The following CLVS1 variants were observed in gnomAD, a reference collection of about 807,000 sequenced individuals.
CLVS1 encodes clavesin-1.
In CLVS1, 10 loss-of-function variants were observed where a neutral mutation model predicts 33.1. The observed-to-expected ratio is 0.30, with a 90% CI of 0.19 to 0.51. The LOEUF is 0.51. Among genes scored for constraint, CLVS1 ranks in the 20% least tolerant of loss-of-function variants. CLVS1 has a pLI of 0.97. For synonymous variants in CLVS1, 163 were observed against 166.1 expected (o/e 0.98, Z 0.14); for missense variants, 343 against 433.4 (o/e 0.79, Z 1.85).
At chr8:60,999,766 G>A in the CLVS1 span, among the ~76,000 whole-genome samples, 2 of 152,340 alleles carry the variant, frequency 1.3e-5, no homozygotes, top group Admixed American at 6.5e-5. Context: ...CAAAAATGGC[G>A]GAAGAGAGTG....
chr8:61,389,540 G>A lies in CLVS1; in HGVS notation c.630+12761G>A, dbSNP rs28665154. Among the ~76,000 whole-genome samples the A allele has an allele frequency of 1.9e-3, 269 of 143,280 alleles. 1 individual carries two copies. The highest frequency in any genetic ancestry group is 6.1e-3 in the African/African-American group (242 of 39,426). The allele number at this position is 143,280 out of a possible 152,430, so 94.0% of individuals were successfully genotyped here. ...CCTGGGCGACTCCATCTCAAAAAAGGAAAAAAAAAAAGACAAATAACAGCT... is the reference window on the plus strand; with the variant it reads ...CCTGGGCGACTCCATCTCAAAAAAGAAAAAAAAAAAAGACAAATAACAGCT... On this transcript the variant is annotated intron_variant, in intron 3 of 5. Coordinates refer to ENST00000325897, the MANE Select transcript of CLVS1 (RefSeq NM_173519.3).
intron 5 of CLVS1, among the ~76,000 whole-genome samples, chr8:61,477,383 C>G (rs1258982408): frequency 1.3e-5 from 2 of 152,130 alleles, no homozygotes; most frequent in Non-Finnish European, 1.5e-5. Context: ...GGTACCAGCT[C>G]CTCCTTGTAC....
intron 2 of CLVS1, among the ~76,000 whole-genome samples, chr8:61,219,834 C>T (rs201136134): frequency 1.3e-5 from 2 of 152,100 alleles, no homozygotes; most frequent in East Asian, 1.9e-4. Flanking sequence ...TTTTAATAAT[C>T]GTCATTCTGA....
At chr8:61,067,538 C>A (rs1378487094) in intron 1 of CLVS1, among the ~76,000 whole-genome samples, 1 of 150,998 alleles carries the variant, frequency 6.6e-6, no homozygotes, top group East Asian at 1.9e-4. Context: ...AGAGCACAAG[C>A]AAAAAATCCA....
chr8:61,355,254 G>A (rs1812643929), intron 2 of CLVS1, among the ~76,000 whole-genome samples: 1 of 151,592 alleles, frequency 6.6e-6, no homozygotes, highest in African/African-American at 2.4e-5. Context: ...AACCAAGCTT[G>A]TGTACCTCAC....
At chr8:61,171,671 A>G (rs910379023) in intron 2 of CLVS1, among the ~76,000 whole-genome samples, 8 of 152,204 alleles carry the variant, frequency 5.3e-5, no homozygotes, top group African/African-American at 1.4e-4. Flanking sequence ...CAGGCAATGT[A>G]TTAGATGCTG....
intron 2 of CLVS1, among the ~76,000 whole-genome samples, chr8:61,341,862 T>G (rs1046684770): frequency 6.6e-5 from 10 of 152,226 alleles, no homozygotes; most frequent in Non-Finnish European, 2.9e-5. Flanking sequence ...TAAAAACAGC[T>G]GCTGTCTTCA....
intron 2 of CLVS1, among the ~76,000 whole-genome samples, chr8:61,228,462 C>T (rs1365606236): frequency 1.3e-5 from 2 of 152,182 alleles, no homozygotes; most frequent in African/African-American, 2.4e-5. Context: ...ACCTAACCTA[C>T]CAAACATCAT....
chr8:60,999,209 C>A, the CLVS1 span, among the ~76,000 whole-genome samples: 1 of 152,212 alleles, frequency 6.6e-6, no homozygotes, highest in Admixed American at 6.5e-5. Flanking sequence ...TTCCCTTCAG[C>A]TTAGCGTGCA....
intron 2 of CLVS1, among the ~76,000 whole-genome samples, chr8:61,150,239 C>T (rs1315019553): frequency 1.3e-5 from 2 of 152,036 alleles, no homozygotes; most frequent in African/African-American, 4.8e-5. Flanking sequence ...CAGTTTTGCT[C>T]TTCTCCAAGC....
intron 2 of CLVS1, among the ~76,000 whole-genome samples, chr8:61,143,904 C>T (rs906111315): frequency 6.7e-6 from 1 of 148,288 alleles, no homozygotes; most frequent in Non-Finnish European, 1.5e-5. Context: ...GATTAACCAC[C>T]CAAGCAAATT....
intron 2 of CLVS1, among the ~76,000 whole-genome samples, chr8:61,231,049 G>A (rs1256400808): frequency 2.0e-5 from 3 of 152,080 alleles, no homozygotes; most frequent in Non-Finnish European, 4.4e-5. Flanking sequence ...TTCAACATGT[G>A]TATCTTAGAG....
chr8:61,312,816 C>T (rs961205719), intron 2 of CLVS1, among the ~76,000 whole-genome samples: 2 of 152,188 alleles, frequency 1.3e-5, no homozygotes, highest in Non-Finnish European at 2.9e-5. Flanking sequence ...CTTCTTCATG[C>T]TGCCTAATTA....
chr8:61,407,737 TA>T (rs1815045832), intron 3 of CLVS1, among the ~76,000 whole-genome samples: 1 of 152,216 alleles, frequency 6.6e-6, no homozygotes, highest in Non-Finnish European at 1.5e-5. Flanking sequence ...TAAACAATAC[TA>T]AAAATATGAG....
At chr8:61,096,370 G>T (rs1483430720) in intron 1 of CLVS1, among the ~76,000 whole-genome samples, 1 of 152,048 alleles carries the variant, frequency 6.6e-6, no homozygotes, top group Non-Finnish European at 1.5e-5. Context: ...ATATTTTACT[G>T]CTTTTCTTTC....
chr8:61,453,708 T>C (rs1174064181), intron 3 of CLVS1, among the ~76,000 whole-genome samples: 1 of 152,152 alleles, frequency 6.6e-6, no homozygotes, highest in Non-Finnish European at 1.5e-5. Flanking sequence ...TCAGTTACTG[T>C]CATGATTAAG....
chr8:61,062,703 T>G (rs1804603210), intron 1 of CLVS1, among the ~76,000 whole-genome samples: 1 of 152,236 alleles, frequency 6.6e-6, no homozygotes, highest in Non-Finnish European at 1.5e-5. Flanking sequence ...AGAAGCATTT[T>G]GACTGCATTA....
chr8:61,323,674 A>G (rs761077631), intron 2 of CLVS1, among the ~76,000 whole-genome samples: 26 of 151,348 alleles, frequency 1.7e-4, no homozygotes, highest in Non-Finnish European at 1.9e-4. Context: ...CTTTTATTTT[A>G]AGTTCAGGGT....
chr8:61,164,370 T>C (rs1014683670), intron 2 of CLVS1, among the ~76,000 whole-genome samples: 2 of 152,210 alleles, frequency 1.3e-5, no homozygotes, highest in Non-Finnish European at 2.9e-5. Flanking sequence ...ATGTTTCTTG[T>C]CTAGCAGGAA....
Sources: gnomAD v4.1 joint callset for allele counts (sites outside exome capture counted in the v4.1 genomes callset) on GRCh38, gnomAD v4.1.1 for gene constraint, MANE v1.5 for transcripts, NCBI Gene and HGNC (gene_info 2026-07-23, HGNC 2026-07-21) for gene names.